DNAH2: variants seen among roughly 807,000 people sequenced by gnomAD.
DNAH2 encodes the protein axonemal beta dynein heavy chain 2.
DNAH2 carries 323 observed loss-of-function variants against 523.5 expected under a neutral mutation model. The ratio of observed to expected loss-of-function variants is 0.62; its 90% CI spans 0.56 to 0.68. The LOEUF (loss-of-function observed/expected upper bound fraction) is 0.68. DNAH2 is among the 30% of genes least tolerant of loss of function. DNAH2 has a pLI of 0.00. For synonymous variants in DNAH2, 2,093 were observed against 2,177.4 expected (o/e 0.96, Z 1.08); for missense variants, 4,907 against 5,701.5 (o/e 0.86, Z 4.49).
intron 28 of DNAH2, 125 bp downstream of exon 28, chr17:7,771,593 A>G: frequency 1.9e-6 from 2 of 1,043,900 alleles, no homozygotes; most frequent in Non-Finnish European, 2.7e-6. Flanking sequence ...CATCTCCATC[A>G]CCTCTTCTAA....
At chr17:7,725,440 A>ATATATATATATATATTTTTTTTTTTTTTT (rs958458949) in intron 3 of DNAH2, among the ~76,000 whole-genome samples, 13 of 130,498 alleles carry the variant, frequency 1.0e-4, no homozygotes, top group South Asian at 5.1e-4. Context: ...ATATATATAT[A>ATATATATATATATATTTTTTTTTTTTTTT]TTTTCTTTTT....
rs1192583700 is a variant in DNAH2, at chr17:7,771,322, C to T, written c.4363-8C>T. ...GTGGCCTCTCACCCCAACTTTTGGC[C>T]CCCTCAGAATATCTTCCTAGGAGAA... On this transcript the variant is annotated splice_region_variant and splice_polypyrimidine_tract_variant and intron_variant, in intron 27 of 85. Coordinates refer to ENST00000572933, the MANE Select transcript of DNAH2 (RefSeq NM_020877.5). 2 of 1,614,010 alleles carry T rather than the reference C, an allele frequency of 1.2e-6. No homozygotes were observed. The highest frequency in any genetic ancestry group is 1.7e-6 in the Non-Finnish European group (2 of 1,179,970).
intron 42 of DNAH2, chr17:7,787,370 A>C: frequency 2.6e-6 from 1 of 391,110 alleles, no homozygotes; most frequent in Non-Finnish European, 4.6e-6. Flanking sequence ...ACCCTTTTCC[A>C]CCCACTCCAA....
intron 42 of DNAH2, 59 bp downstream of exon 42, chr17:7,787,092 C>G (rs1233540318): frequency 6.3e-7 from 1 of 1,592,722 alleles, no homozygotes; most frequent in Admixed American, 1.7e-5. Flanking sequence ...GGGCGTGGGC[C>G]GGGGCTGGGG....
At chr17:7,795,031 C>CA (rs1026424101) in intron 49 of DNAH2, among the ~76,000 whole-genome samples, 2 of 151,212 alleles carry the variant, frequency 1.3e-5, no homozygotes, top group Admixed American at 6.6e-5. Flanking sequence ...CTTGGCCTCA[C>CA]TTTTTTTTTT....
intron 73 of DNAH2, among the ~76,000 whole-genome samples, chr17:7,823,035 C>G (rs1457389229): frequency 1.3e-5 from 2 of 152,046 alleles, no homozygotes; most frequent in African/African-American, 4.8e-5. Context: ...TGGCTGACAC[C>G]TGTAATCCCA....
chr17:7,788,241 T>G lies in DNAH2; in HGVS notation c.6897T>G (p.Asn2299Lys). Residue 2299 changes from asparagine to lysine, a missense_variant, in exon 44 of 86, where the codon AAT becomes AAG. Around this residue, in one of 3 missense-constraint regions of DNAH2, gnomAD observed 2,806 missense variants for 3,190.8 expected, o/e 0.88. Transcript: ENST00000572933. ...KLYSALATPE[N>K]GVNPADGENY... ...ACTCTGCCCTGGCCACGCCAGAGAA[T>G]GGGGTAAGGGGAGGACACAGACCAC... The G allele has an allele frequency of 6.3e-7, 1 of 1,583,170 alleles. No individual in the cohort carries two copies. The highest frequency in any genetic ancestry group is 8.6e-7 in the Non-Finnish European group (1 of 1,164,498).
intron 20 of DNAH2, among the ~76,000 whole-genome samples, chr17:7,764,685 C>T (rs2076105956): frequency 1.3e-5 from 2 of 151,440 alleles, no homozygotes; most frequent in South Asian, 4.2e-4. Context: ...TGGTCTTAAA[C>T]TCCTGAACTC....
intron 63 of DNAH2, among the ~76,000 whole-genome samples, chr17:7,812,495 G>T (rs567273101): frequency 6.6e-5 from 10 of 152,088 alleles, no homozygotes; most frequent in African/African-American, 2.4e-4. Context: ...GCGCACACCT[G>T]TAGTTCCAGC....
At chr17:7,783,590 A>G (rs2076659153) in intron 39 of DNAH2, among the ~76,000 whole-genome samples, 1 of 152,090 alleles carries the variant, frequency 6.6e-6, no homozygotes. Context: ...TGGGAGGCAT[A>G]AGCAGGTGGA....
intron 4 of DNAH2, among the ~76,000 whole-genome samples, chr17:7,732,038 A>C (rs1370580415): frequency 6.6e-6 from 1 of 151,938 alleles, no homozygotes; most frequent in Non-Finnish European, 1.5e-5. Flanking sequence ...TCAAAAAAAA[A>C]AAAAAAAAGG....
chr17:7,740,949 G>A lies in DNAH2; in HGVS notation c.1646G>A (p.Arg549His), dbSNP rs762420947. The A allele has an allele frequency of 6.2e-7, 1 of 1,611,666 alleles. No homozygotes were observed. The highest frequency in any genetic ancestry group is 1.1e-5 in the South Asian group (1 of 91,032). ...GTGGCCCAGTATTCCGGAAAGGCGCGCTGGGTGCACATCCTCCGGCGTCGC... is the reference window on the plus strand; with the variant it reads ...GTGGCCCAGTATTCCGGAAAGGCGCACTGGGTGCACATCCTCCGGCGTCGC... ...PYVAQYSGKARWVHILRRRID... is the reference protein window; with the variant it reads ...PYVAQYSGKAHWVHILRRRID... Residue 549 changes from arginine to histidine, a missense_variant, in exon 11 of 86, where the codon CGC becomes CAC. Physicochemically the swap from Arg to His is conservative, Grantham distance 29 (BLOSUM62 0). Transcript: ENST00000572933.
At chr17:7,814,918 A>G (rs749179087) in intron 63 of DNAH2, among the ~76,000 whole-genome samples, 34 of 152,234 alleles carry the variant, frequency 2.2e-4, no homozygotes, top group Non-Finnish European at 4.0e-4. Flanking sequence ...GGTGGTCTAG[A>G]TGCTACTTTT....
At position 7,767,905 on chromosome 17, in the gene DNAH2, C is replaced by T. The variant is rs758074890; in HGVS notation, c.3681C>T (p.Leu1227=). The T allele has an allele frequency of 3.7e-6, 6 of 1,614,050 alleles. No homozygotes were observed. Among genetic ancestry groups the T allele is most frequent in the Admixed American group, 1.7e-5 (1 of 60,004 alleles). The change falls in exon 23 of 86, where the codon CTC becomes CTT. Residue 1227 remains leucine, a synonymous_variant. Coordinates refer to ENST00000572933, the MANE Select transcript of DNAH2 (RefSeq NM_020877.5). ...CGCGCCTTTCTGCCCTGTAGGAGCT[C>T]GATGCCCTCCAGCAAATCTGGGAGA... ...SKDLQNLEKE[L]DALQQIWEIA...
chr17:7,827,231 T>C (rs912587452), intron 77 of DNAH2, among the ~76,000 whole-genome samples: 3 of 152,062 alleles, frequency 2.0e-5, no homozygotes, highest in African/African-American at 7.3e-5. Context: ...GAGAAATTCT[T>C]AATTTTTATG....
Position 7,818,983 on chromosome 17 carries a change from T to A in DNAH2, c.10735T>A (p.Ser3579Thr), listed in dbSNP as rs1252884863. 3 of 1,611,394 alleles carry A rather than the reference T, an allele frequency of 1.9e-6. No homozygotes were observed. The highest frequency in any genetic ancestry group is 1.6e-4 in the Middle Eastern group (1 of 6,072). The change falls in exon 71 of 86, where the codon TCC becomes ACC. Residue 3579 changes from serine to threonine, a missense_variant. Ser to Thr is a moderately conservative substitution (Grantham distance 58, BLOSUM62 1). Coordinates refer to ENST00000572933, the MANE Select transcript of DNAH2 (RefSeq NM_020877.5). ...GCAGCTGGTGAACACGCTGCATACC[T>A]CCAAGATCACAGCCACAGAGGTGAC... ...DVQLVNTLHT[S>T]KITATEVTEQ...
chr17:7,819,481 G>C lies in DNAH2; in HGVS notation c.11015+73G>C, dbSNP rs553491313. 3.9e-6 allele frequency: 6 copies of C among 1,547,250 alleles called. No individual in the cohort carries two copies. The East Asian group carries it at 1.4e-4, about 35-fold the overall frequency. On this transcript the variant is annotated intron_variant, in intron 72 of 85. Transcript: ENST00000572933. ...TGGTTCTTCTGGCCACTGCACCTTCGTGCTTTCCCGCACCGCGGCTCTCAG... is the reference window on the plus strand; with the variant it reads ...TGGTTCTTCTGGCCACTGCACCTTCCTGCTTTCCCGCACCGCGGCTCTCAG...
At chr17:7,745,852 G>A (rs969477370) in intron 12 of DNAH2, among the ~76,000 whole-genome samples, 2 of 151,900 alleles carry the variant, frequency 1.3e-5, no homozygotes, top group East Asian at 3.9e-4. Context: ...CTGGTTGGTG[G>A]CTACCTCCTT....
In DNAH2 at chr17:7,767,975, C is replaced by T. The variant is rs150870553; in HGVS notation, c.3751C>T (p.Arg1251Trp). Residue 1251 changes from arginine (R) to tryptophan (W), a missense_variant, in exon 23 of 86, where the codon CGG (arginine) becomes TGG (tryptophan). By Grantham distance (101) the Arg-to-Trp change is moderately radical. Around this residue, in one of 3 missense-constraint regions of DNAH2, gnomAD observed 2,806 missense variants for 3,190.8 expected, o/e 0.88. Coordinates refer to ENST00000572933, the MANE Select transcript of DNAH2 (RefSeq NM_020877.5). ...EENWNEWKTG[R>W]FLILQTETME... ...GAACTGGAATGAGTGGAAGACTGGC[C>T]GGTTCCTGATCCTGCAGACGGAAAC... is the stretch of plus-strand genomic sequence containing the variant. 7.7e-5 allele frequency: 124 copies of T among 1,614,016 alleles called. No homozygotes were observed. The highest frequency in any genetic ancestry group is 2.7e-4 in the Admixed American group (16 of 59,996).
Sources: gnomAD v4.1 joint callset for allele counts (sites outside exome capture counted in the v4.1 genomes callset) on GRCh38, gnomAD v4.1.1 for gene constraint, gnomAD v4.1.1 regional missense constraint, MANE v1.5 for transcripts, NCBI Gene and HGNC (gene_info 2026-07-23, HGNC 2026-07-21) for gene names.